VPS9D1: variants seen among roughly 807,000 people sequenced by gnomAD.
VPS9D1 encodes VPS9 domain-containing protein 1.
VPS9D1 carries 78 observed loss-of-function variants against 75.8 expected under a neutral mutation model. The observed-to-expected ratio is 1.03, with a 90% CI of 0.86 to 1.24. The LOEUF (loss-of-function observed/expected upper bound fraction) is 1.24, where lower values mean the gene tolerates loss of function less well. Among genes scored for constraint, VPS9D1 ranks in the 50% most tolerant of loss-of-function variants. The pLI is 0.00. For missense variants in VPS9D1, 1,057 were observed against 847.7 expected, an observed-to-expected ratio of 1.25 and a Z score of -3.07; for synonymous variants, 481 against 385.6, an observed-to-expected ratio of 1.25 and a Z score of -2.90.
At position 89,720,886 on chromosome 16, in the gene VPS9D1, C is replaced by T. The variant is rs1261061330; in HGVS notation, c.-25G>A. 1.5e-6 allele frequency: 2 copies of T among 1,336,398 alleles called. No homozygotes were observed. The highest frequency in any genetic ancestry group is 6.5e-5 in the East Asian group (2 of 30,746). The allele number at this position is 1,336,398 out of a possible 1,614,324, so 82.8% of individuals were successfully genotyped here. A position where few individuals can be genotyped will look rare whatever the true frequency, so the allele number is the denominator to read the frequency against. Reference sequence around the variant, plus strand: ...TGGCGCCGAGCGGGGGAGGCGGCGGCGGTAGCCGAGGGGCTGGACGGGCGA... The same window carrying T: ...TGGCGCCGAGCGGGGGAGGCGGCGGTGGTAGCCGAGGGGCTGGACGGGCGA... On this transcript the variant is annotated 5_prime_UTR_variant, in exon 1 of 15. Coordinates refer to ENST00000389386, the MANE Select transcript of VPS9D1 (RefSeq NM_004913.3).
chr16:89,720,356 G>T (rs958401522), intron 1 of VPS9D1: 1 of 931,024 alleles, frequency 1.1e-6, no homozygotes, highest in Non-Finnish European at 1.3e-6. Flanking sequence ...AAATGAGCAG[G>T]TATGTGGCCT....
chr16:89,715,641 C>A (rs2061046554), intron 4 of VPS9D1, among the ~76,000 whole-genome samples: 1 of 151,536 alleles, frequency 6.6e-6, no homozygotes. Flanking sequence ...CCCACCTCAG[C>A]CTCCCTAGTA....
rs536131258 is a variant in VPS9D1 at position 89,711,839 on chromosome 16, C to T, written c.747+43G>A. ...CAGGCGGCTCTGACCCCGCCCCCCTCGCTGGGCTCCTCCTACAAAGCCTGG... is the reference window on the plus strand; with the variant it reads ...CAGGCGGCTCTGACCCCGCCCCCCTTGCTGGGCTCCTCCTACAAAGCCTGG... On this transcript the variant is annotated intron_variant, in intron 8 of 14. Transcript: ENST00000389386. 1.7e-5 allele frequency: 26 copies of T among 1,542,030 alleles called. No individual in the cohort carries two copies. In the African/African-American group the frequency reaches 1.9e-4, roughly 11 times the overall value.
intron 4 of VPS9D1, among the ~76,000 whole-genome samples, chr16:89,715,396 TTTTG>T (rs1276993082): frequency 6.6e-6 from 1 of 151,744 alleles, no homozygotes; most frequent in Admixed American, 6.6e-5. Context: ...CCAGCTAATT[TTTTG>T]TATTTTTAGT....
intron 11 of VPS9D1, 117 bp from the exon 12 acceptor site, chr16:89,709,552 G>A (rs1042070641): frequency 2.1e-5 from 27 of 1,312,696 alleles, no homozygotes; most frequent in Non-Finnish European, 2.5e-5. Flanking sequence ...CAAGCAAAAA[G>A]CCCCAGCGTT....
intron 4 of VPS9D1, among the ~76,000 whole-genome samples, chr16:89,713,725 A>G (rs1198479134): frequency 6.6e-6 from 1 of 151,112 alleles, no homozygotes; most frequent in African/African-American, 2.4e-5. Context: ...AACATCACTG[A>G]GGGCTGGGCA....
intron 2 of VPS9D1, chr16:89,717,382 G>A: frequency 2.7e-6 from 1 of 370,440 alleles, no homozygotes; most frequent in South Asian, 2.0e-5. Context: ...ACAAGGACGT[G>A]CTGAGGGGAT....
chr16:89,719,492 A>T (rs574481772), intron 1 of VPS9D1: 11 of 385,766 alleles, frequency 2.9e-5, no homozygotes, highest in Non-Finnish European at 5.7e-5. Context: ...CTTCTTGTGC[A>T]ACTCAAGGGT....
At chr16:89,719,148 A>G in intron 1 of VPS9D1, 46 bp from the exon 2 acceptor site, 1 of 1,566,840 alleles carries the variant, frequency 6.4e-7, no homozygotes. Flanking sequence ...AGTGGAGGGA[A>G]GTGACTCCAT....
At chr16:89,715,523 G>T (rs183214036) in intron 4 of VPS9D1, among the ~76,000 whole-genome samples, 2,762 of 150,908 alleles carry the variant, frequency 0.018, 49 homozygotes, top group South Asian at 0.097. Flanking sequence ...ACCGCGCCCG[G>T]TCATTTTTTT....
intron 9 of VPS9D1, 144 bp downstream of exon 9, chr16:89,711,183 C>G (rs566603791): frequency 1.6e-5 from 18 of 1,155,486 alleles, no homozygotes; most frequent in Non-Finnish European, 1.7e-5. Flanking sequence ...GAGGAAACGC[C>G]CTCAGCGCAA....
At position 89,711,442 on chromosome 16, in the gene VPS9D1, A is replaced by C. The variant is rs2060917672; in HGVS notation, c.748-30T>G. 1.9e-6 allele frequency: 3 copies of C among 1,578,448 alleles called. No individual in the cohort carries two copies. The East Asian group carries it at 7.0e-5, about 37-fold the overall frequency. On this transcript the variant is annotated intron_variant, in intron 8 of 14. Coordinates refer to ENST00000389386, the MANE Select transcript of VPS9D1 (RefSeq NM_004913.3). ...GGGACAGGGGGCCTTGAAGGAAAGC[A>C]CGGTGGGTCCGCCACGACCGGACGC...
At chr16:89,708,669 G>T in intron 13 of VPS9D1, 138 bp from the exon 14 acceptor site, 4 of 1,113,772 alleles carry the variant, frequency 3.6e-6, no homozygotes, top group South Asian at 1.5e-5. Flanking sequence ...AGGCAGCTGG[G>T]CATGGTGAGG....
At position 89,712,594 on chromosome 16, in the gene VPS9D1, C is replaced by T. The variant is rs767287363; in HGVS notation, c.543+11G>A. 6.2e-7 allele frequency: 1 copy of T among 1,609,030 alleles called. No homozygotes were observed. The highest frequency in any genetic ancestry group is 1.1e-5 in the South Asian group (1 of 90,972). ...CCACGCACCCCCAGGCCCTCCCTAG[C>T]CCCCACTCACCAGGGATGTCTTCTG... is the stretch of plus-strand genomic sequence containing the variant. On this transcript the variant is annotated intron_variant, in intron 5 of 14. Transcript: ENST00000389386.
At chr16:89,711,615 C>A in intron 8 of VPS9D1, 1 of 651,086 alleles carries the variant, frequency 1.5e-6, no homozygotes, top group Non-Finnish European at 2.6e-6. Flanking sequence ...CCTGCACCCT[C>A]GCTGGGACCC....
chr16:89,707,862 T>C lies in VPS9D1; in HGVS notation c.1895A>G (p.Ter632TrpextTer3), dbSNP rs773474345. 6.2e-7 allele frequency: 1 copy of C among 1,612,982 alleles called. No homozygotes were observed. Among genetic ancestry groups the C allele is most frequent in the South Asian group, 1.1e-5 (1 of 91,084 alleles). The change falls in exon 15 of 15, where the codon TAG becomes TGG. Residue 632 changes from the stop codon to tryptophan (W), a stop_lost. Coordinates refer to ENST00000389386, the MANE Select transcript of VPS9D1 (RefSeq NM_004913.3). ...ELLPRGGLAK[*>W] ...CAGGGACCCTGGGCTCTAGCTGTAC[T>C]ACTTGGCCAGGCCTCCCCGGGGCAG...
chr16:89,708,615 G>T lies in VPS9D1; in HGVS notation c.1698-84C>A, dbSNP rs556708391. The T allele has an allele frequency of 2.8e-6, 4 of 1,405,422 alleles. No homozygotes were observed. In the East Asian group the frequency reaches 7.3e-5, roughly 26 times the overall value. The allele number at this position is 1,405,422 out of a possible 1,614,324, so 87.1% of individuals were successfully genotyped here. On this transcript the variant is annotated intron_variant, in intron 13 of 14. Coordinates refer to ENST00000389386, the MANE Select transcript of VPS9D1 (RefSeq NM_004913.3). ...CAGCAGCTGTGGAGCCATCCTGGCC[G>T]TGCTGGCCGCCATCTCTGTGCCCTT...
At chr16:89,719,234 A>G (rs1312298077) in intron 1 of VPS9D1, 132 bp from the exon 2 acceptor site, 1 of 870,232 alleles carries the variant, frequency 1.1e-6, no homozygotes, top group Non-Finnish European at 1.9e-6. Context: ...ACCCAGAGAC[A>G]TTGAGCCTGC....
In VPS9D1 at chr16:89,708,542, G is replaced by A. The variant is rs755538952; in HGVS notation, c.1698-11C>T. On this transcript the variant is annotated splice_polypyrimidine_tract_variant and intron_variant, in intron 13 of 14. Transcript: ENST00000389386. ...AGGTCATCGGCACCACTGTCGGGAG[G>A]GCATAGCGGCCTTGGGTTGGGGCCA... 4 of 1,610,380 alleles carry A rather than the reference G, an allele frequency of 2.5e-6. No individual in the cohort carries two copies. Among genetic ancestry groups the A allele is most frequent in the African/African-American group, 2.7e-5 (2 of 74,918 alleles).
Sources: gnomAD v4.1 joint callset for allele counts (sites outside exome capture counted in the v4.1 genomes callset) on GRCh38, gnomAD v4.1.1 for gene constraint, MANE v1.5 for transcripts, NCBI Gene and HGNC (gene_info 2026-07-23, HGNC 2026-07-21) for gene names.